Variants in BLTP1 observed in about 807,000 individuals in gnomAD.
BLTP1 encodes the protein fragile site-associated protein.
At chr4:122,252,116 A>C in the BLTP1 span, among the ~76,000 whole-genome samples, 1 of 152,172 alleles carries the variant, frequency 6.6e-6, no homozygotes, top group Non-Finnish European at 1.5e-5. Context: ...CTGCTGACTA[A>C]AGAGCCTTTG....
the BLTP1 span, chr4:122,272,467 A>G: frequency 1.5e-6 from 2 of 1,350,034 alleles, 1 homozygote; most frequent in East Asian, 4.8e-5. Flanking sequence ...ACTTCTCTGA[A>G]GAAAACCACT....
the BLTP1 span, chr4:122,349,007 A>G: frequency 1.5e-6 from 1 of 667,172 alleles, no homozygotes; most frequent in Non-Finnish European, 2.3e-6. The surrounding 1 kb of genome is among the most constrained non-coding windows in gnomAD (Gnocchi z 4.5). Context: ...ATATTCAAAT[A>G]TTTACCACAC....
At chr4:122,284,700 T>C in the BLTP1 span, among the ~76,000 whole-genome samples, 1 of 152,218 alleles carries the variant, frequency 6.6e-6, no homozygotes, top group African/African-American at 2.4e-5. Flanking sequence ...AGAGAGACCA[T>C]ATTTACAAAG....
At chr4:122,357,625 T>C in the BLTP1 span, among the ~76,000 whole-genome samples, 163 of 151,798 alleles carry the variant, frequency 1.1e-3, 2 homozygotes, top group East Asian at 0.022. Context: ...TAATACATTA[T>C]AGTACTCTCT....
the BLTP1 span, chr4:122,328,119 G>A: frequency 6.2e-7 from 1 of 1,603,188 alleles, no homozygotes; most frequent in Non-Finnish European, 8.5e-7. Context: ...AGAGGAGACA[G>A]AACTGGACCT....
chr4:122,255,046 A>G, the BLTP1 span: 1 of 1,503,418 alleles, frequency 6.7e-7, no homozygotes, highest in Non-Finnish European at 9.0e-7. Context: ...TATCAGATTT[A>G]CAAGTTCTTA....
chr4:122,269,360 AT>A, the BLTP1 span: 1 of 961,698 alleles, frequency 1.0e-6, no homozygotes, highest in Non-Finnish European at 1.2e-6. Flanking sequence ...CTAGACCTTC[AT>A]TTGAGCACAC....
At chr4:122,336,217 A>G in the BLTP1 span, 1 of 1,607,690 alleles carries the variant, frequency 6.2e-7, no homozygotes, top group South Asian at 1.1e-5. Context: ...GTGGAGGAGT[A>G]AAAACAGCCA....
chr4:122,197,494 A>G, the BLTP1 span: 1 of 826,682 alleles, frequency 1.2e-6, no homozygotes, highest in Non-Finnish European at 1.5e-6. Flanking sequence ...ATATGCTTTT[A>G]TTATAACGTA....
chr4:122,203,648 A>G, the BLTP1 span: 4 of 156,878 alleles, frequency 2.5e-5, no homozygotes, highest in Non-Finnish European at 5.5e-5. Flanking sequence ...ATAACAATGC[A>G]TATTAAAAAA....
the BLTP1 span, chr4:122,331,498 C>T: frequency 6.2e-7 from 1 of 1,611,286 alleles, no homozygotes. Flanking sequence ...TGTACTCCAC[C>T]CAACCACCCT....
the BLTP1 span, chr4:122,250,605 T>C: frequency 6.3e-7 from 1 of 1,591,142 alleles, no homozygotes; most frequent in Non-Finnish European, 8.6e-7. Context: ...ATAATAATGG[T>C]GCTTTAGAAA....
the BLTP1 span, among the ~76,000 whole-genome samples, chr4:122,158,046 A>G: frequency 1.3e-5 from 2 of 152,196 alleles, no homozygotes; most frequent in Non-Finnish European, 2.9e-5. Context: ...AGAAAAGCCT[A>G]AATGCTACAT....
At chr4:122,284,200 C>T in the BLTP1 span, among the ~76,000 whole-genome samples, 1 of 152,084 alleles carries the variant, frequency 6.6e-6, no homozygotes, top group Non-Finnish European at 1.5e-5. Flanking sequence ...ACTATTATTA[C>T]CAATAAGTTG....
chr4:122,314,390 G>A, the BLTP1 span, among the ~76,000 whole-genome samples: 5 of 152,094 alleles, frequency 3.3e-5, no homozygotes, highest in African/African-American at 7.2e-5. Flanking sequence ...GGCAAATGAC[G>A]ACACTATCAA....
the BLTP1 span, chr4:122,209,435 A>G: frequency 8.3e-7 from 1 of 1,205,324 alleles, no homozygotes; most frequent in East Asian, 2.6e-5. Flanking sequence ...ACCTGAGATC[A>G]GGAGTTCGAG....
the BLTP1 span, among the ~76,000 whole-genome samples, chr4:122,319,653 C>T: frequency 1.1e-4 from 16 of 151,190 alleles, no homozygotes; most frequent in Admixed American, 6.6e-5. Flanking sequence ...GCAGTTCTCT[C>T]CCTCAGCCTC....
the BLTP1 span, chr4:122,344,151 A>G: frequency 3.7e-5 from 15 of 400,538 alleles, no homozygotes; most frequent in African/African-American, 1.1e-4. Flanking sequence ...TCTAGTTTCT[A>G]TTGTTGGAGA....
the BLTP1 span, chr4:122,299,163 A>G: frequency 3.0e-6 from 3 of 984,190 alleles, no homozygotes; most frequent in Non-Finnish European, 3.6e-6. Flanking sequence ...TCATGTAGGA[A>G]GGAAGGACCA....
Sources: allele counts gnomAD v4.1 joint callset (sites outside exome capture counted in the v4.1 genomes callset), GRCh38; gene constraint gnomAD v4.1.1; non-coding constraint Gnocchi (gnomAD v3.1); transcripts MANE v1.5; gene names NCBI Gene and HGNC (gene_info 2026-07-23, HGNC 2026-07-21).